Variants in ARHGEF28 observed in about 807,000 individuals in gnomAD.
The protein encoded by ARHGEF28 is Rho guanine nucleotide exchange factor 28.
Under a neutral mutation model 206.6 loss-of-function variants are expected in ARHGEF28, and 152 were observed. That is an observed-to-expected ratio of 0.74 (90% CI 0.64 to 0.84). The LOEUF is 0.84. ARHGEF28 is among the 40% of genes least tolerant of loss of function. The pLI is 0.00. For missense variants in ARHGEF28, 2,028 were observed against 2,073.2 expected (o/e 0.98, Z 0.42); for synonymous variants, 763 against 776.4 (o/e 0.98, Z 0.29).
At chr5:73,899,757 A>G (rs942033056) in intron 30 of ARHGEF28, 5 of 152,146 alleles carry the variant, frequency 3.3e-5, no homozygotes, top group Non-Finnish European at 7.3e-5. Context: ...AGACAGCTCT[A>G]TTTTCAGTCT....
intron 2 of ARHGEF28, among the ~76,000 whole-genome samples, chr5:73,708,949 T>C (rs1749092906): frequency 6.6e-6 from 1 of 152,214 alleles, no homozygotes; most frequent in African/African-American, 2.4e-5. Context: ...ATTAGTGATG[T>C]TGAGCTTTTT....
At chr5:73,866,197 CT>C (rs1365856039) in intron 18 of ARHGEF28, among the ~76,000 whole-genome samples, 184 bp downstream of exon 18, 2 of 152,114 alleles carry the variant, frequency 1.3e-5, no homozygotes, top group African/African-American at 4.8e-5. Flanking sequence ...CTAGGTCAAC[CT>C]AAGAACTTTT....
intron 1 of ARHGEF28, among the ~76,000 whole-genome samples, chr5:73,659,154 A>G (rs369778459): frequency 3.3e-5 from 5 of 152,202 alleles, no homozygotes; most frequent in East Asian, 3.8e-4. Context: ...GGAAAGATCA[A>G]GATTTTAAAC....
intron 27 of ARHGEF28, 136 bp downstream of exon 27, chr5:73,892,366 T>TA (rs745433051): frequency 3.6e-5 from 33 of 920,284 alleles, no homozygotes; most frequent in Non-Finnish European, 4.1e-5. Context: ...CTGCCTGCGA[T>TA]AGCCCCCCAT....
intron 1 of ARHGEF28, among the ~76,000 whole-genome samples, chr5:73,642,009 T>TAAACC (rs1554049854): frequency 2.0e-5 from 3 of 152,218 alleles, no homozygotes; most frequent in Non-Finnish European, 2.9e-5. Flanking sequence ...CTGCGGGGTT[T>TAAACC]GTAGCCTGTT....
intron 20 of ARHGEF28, among the ~76,000 whole-genome samples, chr5:73,869,595 C>T (rs2112636540): frequency 1.3e-5 from 2 of 152,260 alleles, no homozygotes; most frequent in South Asian, 2.1e-4. Flanking sequence ...TGGACCATTT[C>T]ATCAGTCCAG....
At chr5:73,777,371 C>T (rs1407452832) in intron 6 of ARHGEF28, among the ~76,000 whole-genome samples, 1 of 152,054 alleles carries the variant, frequency 6.6e-6, no homozygotes, top group East Asian at 1.9e-4. Context: ...GTTGGCAGTG[C>T]TCCGGGGTCT....
Position 73,752,935 on chromosome 5 carries a change from G to A in ARHGEF28, c.208G>A (p.Val70Ile). 6.2e-7 allele frequency: 1 copy of A among 1,613,888 alleles called. No homozygotes were observed. The highest frequency in any genetic ancestry group is 8.5e-7 in the Non-Finnish European group (1 of 1,179,870). ...PGHGLQETVTVSVCLCSEGYS... is the reference protein window; with the variant it reads ...PGHGLQETVTISVCLCSEGYS... ...CCATGGGCTTCAGGAGACGGTGACG[G>A]TATCTGTGTGCCTCTGCTCGGAAGG... Residue 70 changes from valine to isoleucine, a missense_variant, in exon 4 of 36, where the codon GTA becomes ATA. Coordinates refer to ENST00000513042, the MANE Select transcript of ARHGEF28 (RefSeq NM_001177693.2).
At chr5:73,816,384 C>T (rs1756213393) in intron 9 of ARHGEF28, among the ~76,000 whole-genome samples, 2 of 152,170 alleles carry the variant, frequency 1.3e-5, no homozygotes, top group Admixed American at 1.3e-4. Flanking sequence ...TCATTCTTCC[C>T]TTCCTTCTAA....
intron 9 of ARHGEF28, among the ~76,000 whole-genome samples, chr5:73,804,379 A>G (rs763761628): frequency 1.4e-4 from 21 of 152,172 alleles, no homozygotes; most frequent in Non-Finnish European, 1.5e-4. Context: ...GCAACTTCAC[A>G]AAGTAAGAAC....
intron 4 of ARHGEF28, among the ~76,000 whole-genome samples, chr5:73,755,319 G>A (rs541470473): frequency 1.3e-5 from 2 of 151,570 alleles, no homozygotes; most frequent in Admixed American, 6.6e-5. Flanking sequence ...GTTTTTTTGG[G>A]GGGGTGTGGA....
chr5:73,695,197 T>C (rs1403236413), intron 2 of ARHGEF28, among the ~76,000 whole-genome samples: 1 of 152,172 alleles, frequency 6.6e-6, no homozygotes, highest in Non-Finnish European at 1.5e-5. Context: ...GGCCAGGTCA[T>C]GCCCATAGGT....
At chr5:73,808,066 CAAAT>C (rs1755620175) in intron 9 of ARHGEF28, among the ~76,000 whole-genome samples, 1 of 151,888 alleles carries the variant, frequency 6.6e-6, no homozygotes, top group Admixed American at 6.6e-5. Context: ...TGTTTTTGTT[CAAAT>C]AAATAAAGGT....
chr5:73,870,255 G>C (rs764795023), intron 21 of ARHGEF28, 46 bp downstream of exon 21: 1 of 1,569,260 alleles, frequency 6.4e-7, no homozygotes, highest in South Asian at 1.2e-5. Flanking sequence ...GTGCGGTTCA[G>C]AGAAAAGAAC....
intron 4 of ARHGEF28, among the ~76,000 whole-genome samples, chr5:73,761,972 AG>A (rs1752623494): frequency 6.7e-6 from 1 of 148,662 alleles, no homozygotes; most frequent in Non-Finnish European, 1.5e-5. Context: ...CTGGGACTAT[AG>A]GTGTGTGCCA....
At chr5:73,826,209 A>G (rs1194457254) in intron 9 of ARHGEF28, among the ~76,000 whole-genome samples, 5 of 152,176 alleles carry the variant, frequency 3.3e-5, no homozygotes, top group African/African-American at 7.2e-5. Flanking sequence ...AGAGCTGACT[A>G]TAGGTTCTGT....
At chr5:73,820,421 C>A (rs1035393099) in intron 9 of ARHGEF28, among the ~76,000 whole-genome samples, 9 of 151,774 alleles carry the variant, frequency 5.9e-5, no homozygotes, top group Non-Finnish European at 1.2e-4. Flanking sequence ...AGTCCCAATC[C>A]TTCAATCTAC....
chr5:73,676,781 T>A lies in ARHGEF28; in HGVS notation c.-11-8060T>A, dbSNP rs377452123. Among the ~76,000 whole-genome samples the A allele has an allele frequency of 7.9e-5, 12 of 152,312 alleles. No individual in the cohort carries two copies. The East Asian group carries it at 1.2e-3, about 15-fold the overall frequency. ...TAAGGGTACATTTTGAAGATCTGCC[T>A]CTAAAAAGTGAGTCTTTTTCCCTAG... On this transcript the variant is annotated intron_variant, in intron 1 of 35. Coordinates refer to ENST00000513042, the MANE Select transcript of ARHGEF28 (RefSeq NM_001177693.2).
Position 73,897,966 on chromosome 5 carries a change from G to C in ARHGEF28, c.3846G>C (p.Glu1282Asp). Reference sequence around the variant, plus strand: ...TTTTGTTTTTCTCCATCTTAGCTGAGAGCCTACAAGTTGCAGTGAAGGCCT... The same window carrying C: ...TTTTGTTTTTCTCCATCTTAGCTGACAGCCTACAAGTTGCAGTGAAGGCCT... ...SLLAAALKEA[E>D]SLQVAVKASQ... The change falls in exon 30 of 36, where the codon GAG becomes GAC. Residue 1282 changes from glutamate to aspartate, a missense_variant. Glu to Asp is a conservative substitution (Grantham distance 45, BLOSUM62 2). This residue lies in a region of ARHGEF28 where 803 missense variants were observed against 768.0 expected (regional missense o/e 1.05). Coordinates refer to ENST00000513042, the MANE Select transcript of ARHGEF28 (RefSeq NM_001177693.2). 1 of 1,575,112 alleles carries C rather than the reference G, an allele frequency of 6.3e-7. No homozygotes were observed. Among genetic ancestry groups the C allele is most frequent in the Non-Finnish European group, 8.6e-7 (1 of 1,159,278 alleles).
Sources: gnomAD v4.1 joint callset for allele counts (sites outside exome capture counted in the v4.1 genomes callset) on GRCh38, gnomAD v4.1.1 for gene constraint, gnomAD v4.1.1 regional missense constraint, MANE v1.5 for transcripts, NCBI Gene and HGNC (gene_info 2026-07-23, HGNC 2026-07-21) for gene names.